The following VANGL2 variants were observed in gnomAD, a reference collection of about 807,000 sequenced individuals.
VANGL2 encodes the protein VANGL planar cell polarity protein 2, also known as vang-like protein 2.
In VANGL2, 14 loss-of-function variants were observed where a neutral mutation model predicts 50.2. The ratio of observed to expected loss-of-function variants is 0.28; its 90% CI spans 0.18 to 0.44. The LOEUF (loss-of-function observed/expected upper bound fraction) is 0.44. Ranked by LOEUF, VANGL2 falls within the 20% of genes least tolerant of loss-of-function variation. The pLI is 1.00. For missense variants in VANGL2, 533 were observed against 701.5 expected, an observed-to-expected ratio of 0.76 and a Z score of 2.71; for synonymous variants, 295 against 297.2, an observed-to-expected ratio of 0.99 and a Z score of 0.08.
chr1:160,422,206 T>C (rs1651298363), intron 6 of VANGL2, among the ~76,000 whole-genome samples: 1 of 152,194 alleles, frequency 6.6e-6, no homozygotes, highest in Non-Finnish European at 1.5e-5. Context: ...AGAACAAAGA[T>C]CACCAACTCC....
At chr1:160,403,748 A>G (rs908853202) in intron 1 of VANGL2, among the ~76,000 whole-genome samples, 1 of 152,202 alleles carries the variant, frequency 6.6e-6, no homozygotes, top group Non-Finnish European at 1.5e-5. Flanking sequence ...ATTAGTACTT[A>G]ACAGTGGTGT....
At chr1:160,402,553 C>G (rs1414347419) in intron 1 of VANGL2, among the ~76,000 whole-genome samples, 1 of 152,130 alleles carries the variant, frequency 6.6e-6, no homozygotes, top group East Asian at 1.9e-4. Flanking sequence ...TCTTCAGCAG[C>G]TTTTGCAAGT....
chr1:160,418,901 C>G, intron 3 of VANGL2, 101 bp from the exon 4 acceptor site: 1 of 1,436,970 alleles, frequency 7.0e-7, no homozygotes, highest in Non-Finnish European at 9.4e-7. Context: ...CCCATGTGTT[C>G]TTCTCTGTCT....
intron 3 of VANGL2, among the ~76,000 whole-genome samples, chr1:160,418,083 T>G (rs372700715): frequency 2.4e-4 from 37 of 151,968 alleles, no homozygotes; most frequent in South Asian, 8.3e-4. Flanking sequence ...AGCTAATTTT[T>G]TGTGTGTGTG....
intron 3 of VANGL2, among the ~76,000 whole-genome samples, chr1:160,418,351 C>T (rs4656907): frequency 0.4 from 60,213 of 151,868 alleles, 13,730 homozygotes; most frequent in African/African-American, 0.64. Context: ...ATGTCCACAC[C>T]GCTGGTCCAC....
chr1:160,410,813 T>G (rs1650858733), intron 1 of VANGL2, among the ~76,000 whole-genome samples: 2 of 152,068 alleles, frequency 1.3e-5, no homozygotes, highest in East Asian at 3.9e-4. Context: ...ATCCCAGAGC[T>G]CAGACAAAAG....
chr1:160,415,436 C>A (rs1340046551), intron 1 of VANGL2, among the ~76,000 whole-genome samples: 1 of 152,194 alleles, frequency 6.6e-6, no homozygotes, highest in Non-Finnish European at 1.5e-5. Flanking sequence ...TTCCCCCATG[C>A]CTGAGTCCTT....
chr1:160,425,538 C>T lies in VANGL2; in HGVS notation c.*160C>T. ...CCCCACCTTCTCTCCTCGCTTCTTC[C>T]TTATTTTACCCCATGTGAACCTGGA... On this transcript the variant is annotated 3_prime_UTR_variant, in exon 8 of 8. Coordinates refer to ENST00000368061, the MANE Select transcript of VANGL2 (RefSeq NM_020335.3). 4.1e-6 allele frequency: 3 copies of T among 728,882 alleles called. No homozygotes were observed. Among genetic ancestry groups the T allele is most frequent in the Admixed American group, 2.9e-5 (1 of 34,028 alleles). 45.2% of individuals were successfully genotyped at this position (728,882 alleles called of 1,614,324 possible).
rs1651468594 is a variant in VANGL2 at position 160,426,707 on chromosome 1, C to T, written c.*1329C>T. The T allele has an allele frequency of 6.6e-6, 1 of 152,546 alleles. No individual in the cohort carries two copies. The highest frequency in any genetic ancestry group is 1.5e-5 in the Non-Finnish European group (1 of 68,042). The allele number at this position is 152,546 out of a possible 1,614,324, so 9.4% of individuals were successfully genotyped here. On this transcript the variant is annotated 3_prime_UTR_variant, in exon 8 of 8. Transcript: ENST00000368061. ...AAATATTTTCAATATAAATCTGAGCCTTTGACTCAGACATTTTTGCCAAGG... is the reference window on the plus strand; with the variant it reads ...AAATATTTTCAATATAAATCTGAGCTTTTGACTCAGACATTTTTGCCAAGG...
intron 7 of VANGL2, 37 bp from the exon 8 acceptor site, chr1:160,425,081 A>G: frequency 6.2e-7 from 1 of 1,613,902 alleles, no homozygotes; most frequent in Non-Finnish European, 8.5e-7. Context: ...TGGGTAGATG[A>G]CAGAGATTCT....
chr1:160,416,135 C>T lies in VANGL2; in HGVS notation c.145C>T (p.Pro49Ser), dbSNP rs759475238. 1 of 1,614,172 alleles carries T rather than the reference C, an allele frequency of 6.2e-7. No homozygotes were observed. Among genetic ancestry groups the T allele is most frequent in the Non-Finnish European group, 8.5e-7 (1 of 1,180,028 alleles). The change falls in exon 3 of 8, where the codon CCC becomes TCC. Residue 49 changes from proline (P) to serine (S), a missense_variant. Transcript: ENST00000368061. Reference protein sequence around the residue: ...RGDKSVTIQAPGEPLLDNEST... With the variant: ...RGDKSVTIQASGEPLLDNEST... Reference sequence around the variant, plus strand: ...GGACAAGTCGGTGACAATCCAGGCTCCCGGGGAGCCCCTGCTGGACAATGA... The same window carrying T: ...GGACAAGTCGGTGACAATCCAGGCTTCCGGGGAGCCCCTGCTGGACAATGA...
rs77480363 is a variant in VANGL2 at position 160,404,013 on chromosome 1, A to G, written c.-191+3144A>G. The stretch of plus-strand genomic sequence containing the variant: ...TACTTCTTGGGGTTATGAGGATTAA[A>G]TGAAATAATAGAGAAAGCACGTTGC... On this transcript the variant is annotated intron_variant, in intron 1 of 7. Coordinates refer to ENST00000368061, the MANE Select transcript of VANGL2 (RefSeq NM_020335.3). Among the ~76,000 whole-genome samples, 677 of 152,374 alleles carry G rather than the reference A, an allele frequency of 4.4e-3. 4 individuals are homozygous for G. The highest frequency in any genetic ancestry group is 0.024 in the East Asian group (125 of 5,194).
chr1:160,406,733 C>G (rs1159504729), intron 1 of VANGL2, among the ~76,000 whole-genome samples: 1 of 145,914 alleles, frequency 6.9e-6, no homozygotes, highest in Non-Finnish European at 1.5e-5. Flanking sequence ...GGAGGGGGTT[C>G]TGGTTTTTTT....
At position 160,419,593 on chromosome 1, in the gene VANGL2, A is replaced by G. The variant is rs780694374; in HGVS notation, c.784A>G (p.Asn262Asp). The change falls in exon 4 of 8, where the codon AAC becomes GAC. Residue 262 changes from asparagine (N) to aspartate (D), a missense_variant. Asn to Asp is a conservative substitution (Grantham distance 23). Coordinates refer to ENST00000368061, the MANE Select transcript of VANGL2 (RefSeq NM_020335.3). This position sits in a 1 kb window ranked among gnomAD's most constrained non-coding sequence, Gnocchi z 5.8. Reference protein sequence around the residue: ...RSTDGASRFYNVGHLSIQRVA... With the variant: ...RSTDGASRFYDVGHLSIQRVA... ...CACCGACGGCGCCAGCCGCTTCTACAACGTTGGCCATCTCAGGTACTAGCC... is the reference window on the plus strand; with the variant it reads ...CACCGACGGCGCCAGCCGCTTCTACGACGTTGGCCATCTCAGGTACTAGCC... 1.3e-6 allele frequency: 2 copies of G among 1,598,952 alleles called. No homozygotes were observed. Among genetic ancestry groups the G allele is most frequent in the South Asian group, 1.1e-5 (1 of 91,022 alleles).
intron 1 of VANGL2, among the ~76,000 whole-genome samples, chr1:160,412,406 A>G (rs925726113): frequency 6.6e-6 from 1 of 152,000 alleles, no homozygotes; most frequent in Non-Finnish European, 1.5e-5. Context: ...TCCTAGCAAA[A>G]TTCAGTTTTT....
rs1004744224 is a variant in VANGL2 at position 160,418,960 on chromosome 1, C to T, written c.193-42C>T. The T allele has an allele frequency of 3.8e-6, 6 of 1,578,982 alleles. No homozygotes were observed. The African/African-American group carries it at 6.7e-5, about 18-fold the overall frequency. ...GTTTCCCTCCTCTTCCTCTTCTTATCCTTTCCTCCTTATTGTGTGGCTGGC... is the reference window on the plus strand; with the variant it reads ...GTTTCCCTCCTCTTCCTCTTCTTATTCTTTCCTCCTTATTGTGTGGCTGGC... On this transcript the variant is annotated intron_variant, in intron 3 of 7. Transcript: ENST00000368061.
intron 7 of VANGL2, among the ~76,000 whole-genome samples, chr1:160,424,574 A>G (rs1651386957): frequency 6.6e-6 from 1 of 152,146 alleles, no homozygotes; most frequent in Admixed American, 6.5e-5. Flanking sequence ...CCAAAGGCCC[A>G]CTTTCACCTC....
In VANGL2 at chr1:160,421,065, C is replaced by T; in HGVS notation, c.951C>T (p.Asn317=). The change falls in exon 6 of 8, where the codon AAC becomes AAT. Residue 317 remains asparagine (N), a synonymous_variant. Transcript: ENST00000368061. ...GTTCCTGTGCAGAAAACAGCACCAACAACTCCACTGGCCAGTCTCGGGCTG... is the reference window on the plus strand; with the variant it reads ...GTTCCTGTGCAGAAAACAGCACCAATAACTCCACTGGCCAGTCTCGGGCTG... ...VYSLGEENST[N]NSTGQSRAVI... is the part of the protein sequence containing the mutation. 6.2e-7 allele frequency: 1 copy of T among 1,614,202 alleles called. No individual in the cohort carries two copies. The highest frequency in any genetic ancestry group is 8.5e-7 in the Non-Finnish European group (1 of 1,180,042).
chr1:160,420,494 A>G lies in VANGL2; in HGVS notation c.884A>G (p.Lys295Arg), dbSNP rs143492133. The change falls in exon 5 of 8, where the codon AAG becomes AGG. Residue 295 changes from lysine (K) to arginine (R), a missense_variant. Transcript: ENST00000368061. ...VYNPALLNLP[K>R]SVLAKKVSGF... ...AACCCTGCCCTCCTCAACCTGCCCAAGTCCGTCCTGGCCAAGAAAGTGTCT... is the reference window on the plus strand; with the variant it reads ...AACCCTGCCCTCCTCAACCTGCCCAGGTCCGTCCTGGCCAAGAAAGTGTCT... The G allele has an allele frequency of 7.0e-4, 1,135 of 1,614,036 alleles. 3 individuals are homozygous for G. The highest frequency in any genetic ancestry group is 8.3e-4 in the Non-Finnish European group (982 of 1,180,000).
Sources: allele counts gnomAD v4.1 joint callset (sites outside exome capture counted in the v4.1 genomes callset), GRCh38; gene constraint gnomAD v4.1.1; non-coding constraint Gnocchi (gnomAD v3.1); transcripts MANE v1.5; gene names NCBI Gene and HGNC (gene_info 2026-07-23, HGNC 2026-07-21).